Variants in NHSL1 observed in about 807,000 individuals in gnomAD.
NHSL1 encodes NHS like 1.
A neutral mutation model predicts 95.0 loss-of-function variants in NHSL1; 48 were observed. The observed-to-expected ratio is 0.51, with a 90% confidence interval of 0.40 to 0.64. The LOEUF is 0.64. NHSL1 is among the 30% of genes least tolerant of loss of function. NHSL1 has a pLI of 0.00. For missense variants in NHSL1, 1,971 were observed against 2,077.7 expected (o/e 0.95, Z 1.00); for synonymous variants, 783 against 833.9 (o/e 0.94, Z 1.05).
At chr6:138,645,879 T>C (rs1379290916) in intron 1 of NHSL1, among the ~76,000 whole-genome samples, 1 of 152,196 alleles carries the variant, frequency 6.6e-6, no homozygotes, top group Non-Finnish European at 1.5e-5. Flanking sequence ...CTGAAGAACC[T>C]GAAGAATTTA....
At chr6:138,677,009 A>G (rs1288324513) in intron 1 of NHSL1, among the ~76,000 whole-genome samples, 1 of 152,214 alleles carries the variant, frequency 6.6e-6, no homozygotes, top group African/African-American at 2.4e-5. Flanking sequence ...TCCAAATTAC[A>G]GTGGATTATA....
At chr6:138,425,198 C>A (rs1196534791) in intron 7 of NHSL1, among the ~76,000 whole-genome samples, 1 of 152,196 alleles carries the variant, frequency 6.6e-6, no homozygotes, top group Non-Finnish European at 1.5e-5. Flanking sequence ...TCAAGCGATT[C>A]TCCCTGCCTC....
At chr6:138,645,377 G>A (rs56189365) in intron 1 of NHSL1, among the ~76,000 whole-genome samples, 1,637 of 152,038 alleles carry the variant, frequency 0.011, 10 homozygotes, top group Non-Finnish European at 0.017. Flanking sequence ...AGGCCTACCC[G>A]GCCTACTGAA....
chr6:138,540,502 T>C (rs780782805), intron 1 of NHSL1, among the ~76,000 whole-genome samples: 1 of 152,190 alleles, frequency 6.6e-6, no homozygotes, highest in African/African-American at 2.4e-5. Flanking sequence ...AACAAATCTG[T>C]TTCTGATTCC....
chr6:138,476,867 A>C lies in NHSL1; in HGVS notation c.212-3434T>G, dbSNP rs1042454664. ...AAATTATCTATTGGGTACAATGTTC[A>C]TTGTTTAGGTGATGGGTACACTACA... is the stretch of plus-strand genomic sequence containing the variant. On this transcript the variant is annotated intron_variant, in intron 2 of 7. Transcript: ENST00000343505. 1.5e-4 allele frequency among the ~76,000 whole-genome samples: 23 copies of C among 149,580 alleles called. No individual in the cohort carries two copies. In the Admixed American group the frequency reaches 1.5e-3, roughly 10 times the overall value.
chr6:138,631,124 C>T (rs1479502687), intron 1 of NHSL1, among the ~76,000 whole-genome samples: 2 of 152,110 alleles, frequency 1.3e-5, no homozygotes, highest in Non-Finnish European at 2.9e-5. Flanking sequence ...AAAGAAAATC[C>T]GGACCAAACT....
chr6:138,432,792 T>C lies in NHSL1; in HGVS notation c.1553A>G (p.Tyr518Cys), dbSNP rs1235755019. 2 of 1,551,740 alleles carry C rather than the reference T, an allele frequency of 1.3e-6. No homozygotes were observed. Among genetic ancestry groups the C allele is most frequent in the African/African-American group, 1.4e-5 (1 of 73,164 alleles). The change falls in exon 6 of 8, where the codon TAT (tyrosine) becomes TGT (cysteine). Residue 518 changes from tyrosine to cysteine, a missense_variant. By Grantham distance (194) the Tyr-to-Cys change is radical (BLOSUM62 -2). Transcript: ENST00000343505. The surrounding 1 kb of genome is among the most constrained non-coding windows in gnomAD (Gnocchi z 4.4). ...NRENGSQAMP[Y>C]NCRNNLAFPA... ...GAAGGCCAGGTTGTTTCTACAATTA[T>C]ACGGCATAGCTTGGGACCCATTCTC...
chr6:138,468,171 G>A (rs1340844429), intron 3 of NHSL1, among the ~76,000 whole-genome samples: 1 of 152,210 alleles, frequency 6.6e-6, no homozygotes, highest in Non-Finnish European at 1.5e-5. Flanking sequence ...CTCACCCAGA[G>A]CAACTTCCAG....
At chr6:138,460,029 G>C (rs1187289615) in intron 3 of NHSL1, among the ~76,000 whole-genome samples, 1 of 152,132 alleles carries the variant, frequency 6.6e-6, no homozygotes, top group Non-Finnish European at 1.5e-5. Flanking sequence ...GCTTTGTACA[G>C]TCTTTGCCAG....
At chr6:138,596,038 TA>T (rs755073262) in intron 1 of NHSL1, among the ~76,000 whole-genome samples, 2 of 152,118 alleles carry the variant, frequency 1.3e-5, no homozygotes, top group Non-Finnish European at 2.9e-5. Context: ...AACCAAAAAA[TA>T]TCCAGGATGA....
At chr6:138,503,376 A>T (rs1780789182), upstream of NHSL1, among the ~76,000 whole-genome samples, 2 of 152,176 alleles carry the variant, frequency 1.3e-5, no homozygotes, top group Non-Finnish European at 2.9e-5. Flanking sequence ...TGGTTTTGTT[A>T]GTATAGAGCA....
At chr6:138,565,734 G>A (rs76659741) in intron 1 of NHSL1, among the ~76,000 whole-genome samples, 2 of 148,974 alleles carry the variant, frequency 1.3e-5, no homozygotes, top group East Asian at 3.9e-4. Context: ...AGATCAGCCT[G>A]AGCAAAAGAG....
chr6:138,503,536 C>T (rs9495096), upstream of NHSL1, among the ~76,000 whole-genome samples: 1 of 152,040 alleles, frequency 6.6e-6, no homozygotes, highest in Non-Finnish European at 1.5e-5. Flanking sequence ...CACCACCACA[C>T]CCATTTGTTC....
intron 1 of NHSL1, among the ~76,000 whole-genome samples, chr6:138,604,418 C>T (rs1208312620): frequency 6.6e-6 from 1 of 152,144 alleles, no homozygotes; most frequent in Non-Finnish European, 1.5e-5. Flanking sequence ...CAAATGCTAT[C>T]CCTAAAATCC....
chr6:138,648,586 A>G (rs1785049618), intron 1 of NHSL1, among the ~76,000 whole-genome samples: 1 of 152,172 alleles, frequency 6.6e-6, no homozygotes, highest in South Asian at 2.1e-4. Flanking sequence ...CTTAGATATA[A>G]TTGCTGGGAC....
intron 2 of NHSL1, among the ~76,000 whole-genome samples, chr6:138,478,220 A>G (rs35202037): frequency 0.22 from 33,221 of 151,418 alleles, 3,952 homozygotes; most frequent in East Asian, 0.36. Flanking sequence ...ACCTCAGGTG[A>G]TCTGCCTGCC....
At chr6:138,601,683 G>A (rs1035044137) in intron 1 of NHSL1, among the ~76,000 whole-genome samples, 4 of 151,996 alleles carry the variant, frequency 2.6e-5, no homozygotes, top group African/African-American at 7.3e-5. Context: ...GTAGTGGCAC[G>A]CACATGTAGT....
chr6:138,490,149 TA>T (rs1266519976), intron 2 of NHSL1, among the ~76,000 whole-genome samples: 9 of 152,068 alleles, frequency 5.9e-5, no homozygotes, highest in Non-Finnish European at 1.3e-4. Flanking sequence ...TTATATGTCA[TA>T]TTTTTTTTTA....
rs1047603809 is a variant in NHSL1, at chr6:138,442,082, G to A, written c.565C>T (p.Arg189Trp). The A allele has an allele frequency of 1.0e-5, 16 of 1,550,444 alleles. 1 individual carries two copies. The highest frequency in any genetic ancestry group is 7.2e-5 in the South Asian group (6 of 83,784). The change falls in exon 5 of 8, where the codon CGG (arginine) becomes TGG (tryptophan). Residue 189 changes from arginine to tryptophan, a missense_variant. Coordinates refer to ENST00000343505, the MANE Select transcript of NHSL1 (RefSeq NM_001144060.2). The part of the protein sequence containing the change: ...ENFDRQASLR[R>W]SLIYTDTLVR... ...AGAGTGTCTGTGTAAATTAGAGACC[G>A]CCGAAGGCTGGCCTGGCGATCGAAA... is the stretch of plus-strand genomic sequence containing the variant.
Sources: gnomAD v4.1 joint callset for allele counts (sites outside exome capture counted in the v4.1 genomes callset) on GRCh38, gnomAD v4.1.1 for gene constraint, Gnocchi (gnomAD v3.1) non-coding constraint, MANE v1.5 for transcripts, NCBI Gene and HGNC (gene_info 2026-07-23, HGNC 2026-07-21) for gene names.